Variants in STAB1 observed in about 807,000 individuals in gnomAD.
The protein encoded by STAB1 is stabilin-1.
STAB1 carries 250 observed loss-of-function variants against 332.4 expected under a neutral mutation model. The observed-to-expected ratio is 0.75, with a 90% CI of 0.68 to 0.84. STAB1 has a LOEUF of 0.84. Ranked by LOEUF, STAB1 falls within the 40% of genes least tolerant of loss-of-function variation. STAB1 has a pLI of 0.00. For synonymous variants in STAB1, 1,475 were observed against 1,390.4 expected (o/e 1.06, Z -1.35); for missense variants, 3,249 against 3,489.7 (o/e 0.93, Z 1.74).
chr3:52,521,525 C>A lies in STAB1; in HGVS notation c.6058+15C>A, dbSNP rs2079070967. 1 of 1,613,828 alleles carries A rather than the reference C, an allele frequency of 6.2e-7. No homozygotes were observed. Among genetic ancestry groups the A allele is most frequent in the Non-Finnish European group, 8.5e-7 (1 of 1,180,018 alleles). On this transcript the variant is annotated intron_variant, in intron 56 of 68. Coordinates refer to ENST00000321725, the MANE Select transcript of STAB1 (RefSeq NM_015136.3). ...CCATTGTCAAGGTGGGCCATCCCTGCCTGCCCCACGGCCCGATTCCTTTGG... is the reference window on the plus strand; with the variant it reads ...CCATTGTCAAGGTGGGCCATCCCTGACTGCCCCACGGCCCGATTCCTTTGG...
chr3:52,508,086 G>T lies in STAB1; in HGVS notation c.2148+60G>T, dbSNP rs1709014558. ...CCTGGGCACCTGCTGTTCCTCGGGG[G>T]CCCCCAAGCTGGGGCTGAGTGGGCT... On this transcript the variant is annotated intron_variant, in intron 20 of 68. Transcript: ENST00000321725. 5.1e-6 allele frequency: 8 copies of T among 1,559,598 alleles called. No individual in the cohort carries two copies. The East Asian group carries it at 1.8e-4, about 35-fold the overall frequency.
Position 52,509,810 on chromosome 3 carries a change from G to A in STAB1, c.2348-60G>A, listed in dbSNP as rs1295631334. 9.4e-6 allele frequency: 15 copies of A among 1,599,610 alleles called. 1 individual carries two copies. In the East Asian group the frequency reaches 3.4e-4, roughly 36 times the overall value. ...CCCTATATCCCCCAAACCCATCCTG[G>A]CTCCCAGCCAGCCCTGCCTCCTGCT... On this transcript the variant is annotated intron_variant, in intron 22 of 68. Coordinates refer to ENST00000321725, the MANE Select transcript of STAB1 (RefSeq NM_015136.3).
chr3:52,496,474 C>T (rs975869594), intron 1 of STAB1, among the ~76,000 whole-genome samples: 1 of 152,250 alleles, frequency 6.6e-6, no homozygotes, highest in Admixed American at 6.5e-5. Flanking sequence ...CCCCTGCCAC[C>T]ATCAGGCGCT....
At chr3:52,502,601 G>A (rs377316251) in intron 5 of STAB1, 31 bp from the exon 6 acceptor site, 100 of 1,593,560 alleles carry the variant, frequency 6.3e-5, no homozygotes, top group Non-Finnish European at 8.3e-5. Context: ...GAGAGGCTGG[G>A]GCCCCATCTG....
In STAB1 at chr3:52,517,303, A is replaced by T. The variant is rs1390485284; in HGVS notation, c.4490-17A>T. 1.2e-5 allele frequency: 18 copies of T among 1,548,826 alleles called. No individual in the cohort carries two copies. In the Admixed American group the frequency reaches 3.5e-4, roughly 30 times the overall value. Reference sequence around the variant, plus strand: ...GGCCACTAAGGGCCACCCCCATCCCAGTGTCTCTTCCCCCAGAAATTAACA... The same window carrying T: ...GGCCACTAAGGGCCACCCCCATCCCTGTGTCTCTTCCCCCAGAAATTAACA... On this transcript the variant is annotated splice_polypyrimidine_tract_variant and intron_variant, in intron 42 of 68. Coordinates refer to ENST00000321725, the MANE Select transcript of STAB1 (RefSeq NM_015136.3).
In STAB1 at chr3:52,518,578, G is replaced by T. The variant is rs746734339; in HGVS notation, c.4852G>T (p.Val1618Leu). Residue 1618 changes from valine to leucine, a missense_variant, in exon 47 of 69, where the codon GTG becomes TTG. Transcript: ENST00000321725. ...LKGDGPFTIF[V>L]PHADLMSNLS... is the part of the protein sequence containing the mutation. ...GGGCGATGGGCCTTTCACCATCTTC[G>T]TGCCGCACGCAGATCTAATGAGCAA... is the stretch of plus-strand genomic sequence containing the variant. 1 of 1,601,268 alleles carries T rather than the reference G, an allele frequency of 6.2e-7. No homozygotes were observed.
intron 18 of STAB1, among the ~76,000 whole-genome samples, chr3:52,507,270 T>TCTGACCTCAGGTGATCCG (rs1453583282): frequency 1.3e-5 from 2 of 152,150 alleles, no homozygotes; most frequent in African/African-American, 4.8e-5. Context: ...GTTTCAAACC[T>TCTGACCTCAGGTGATCCG]CTGACCTCAG....
intron 1 of STAB1, among the ~76,000 whole-genome samples, chr3:52,500,667 AGCATCAGCTCT>A (rs1180915269): frequency 1.3e-5 from 2 of 152,254 alleles, no homozygotes; most frequent in Non-Finnish European, 2.9e-5. Flanking sequence ...CTCCCAAGAC[AGCATCAGCTCT>A]GTCATTTATT....
In STAB1 at chr3:52,513,216, G is replaced by A. The variant is rs1418015109; in HGVS notation, c.3245G>A (p.Arg1082His). The change falls in exon 30 of 69, where the codon CGC (arginine) becomes CAC (histidine). Residue 1082 changes from arginine to histidine, a missense_variant. Arg to His is a conservative substitution (Grantham distance 29, BLOSUM62 0). Coordinates refer to ENST00000321725, the MANE Select transcript of STAB1 (RefSeq NM_015136.3). ...GTGGCCACCCTGAACCCCACCACAC[G>A]CTGGGAGATTCGCAACATTAGTGGG... Reference protein sequence around the residue: ...QEVATLNPTTRWEIRNISGRV... With the variant: ...QEVATLNPTTHWEIRNISGRV... The A allele has an allele frequency of 3.8e-6, 6 of 1,583,480 alleles. No individual in the cohort carries two copies. In the East Asian group the frequency reaches 6.8e-5, roughly 18 times the overall value.
At position 52,522,561 on chromosome 3, in the gene STAB1, G is replaced by A. The variant is rs148752341; in HGVS notation, c.6617G>A (p.Arg2206Gln). Reference protein sequence around the residue: ...MCTDLHFQEKRAGVFHLQATS... With the variant: ...MCTDLHFQEKQAGVFHLQATS... ...GCACCCCTCCATTCTGCAGAGAAACGGGCTGGCGTTTTCCACCTCCAGGCC... is the reference window on the plus strand; with the variant it reads ...GCACCCCTCCATTCTGCAGAGAAACAGGCTGGCGTTTTCCACCTCCAGGCC... Residue 2206 changes from arginine to glutamine, a missense_variant, in exon 61 of 69, where the codon CGG becomes CAG. Coordinates refer to ENST00000321725, the MANE Select transcript of STAB1 (RefSeq NM_015136.3). 8.1e-6 allele frequency: 13 copies of A among 1,612,954 alleles called. No individual in the cohort carries two copies. Among genetic ancestry groups the A allele is most frequent in the African/African-American group, 5.3e-5 (4 of 74,912 alleles).
In STAB1 at chr3:52,509,229, G is replaced by A. The variant is rs1351339940; in HGVS notation, c.2255G>A (p.Gly752Asp). The change falls in exon 22 of 69, where the codon GGC becomes GAC. Residue 752 changes from glycine to aspartate, a missense_variant. By Grantham distance (94) the Gly-to-Asp change is moderately conservative. Coordinates refer to ENST00000321725, the MANE Select transcript of STAB1 (RefSeq NM_015136.3). ...CTCTAGTGCAGTGATGGGATCCAGGGCAATGGGGCCTGCCTCTGCTTCCCA... is the reference window on the plus strand; with the variant it reads ...CTCTAGTGCAGTGATGGGATCCAGGACAATGGGGCCTGCCTCTGCTTCCCA... ...GKGNCSDGIQ[G>D]NGACLCFPDY... 2 of 1,613,490 alleles carry A rather than the reference G, an allele frequency of 1.2e-6. No homozygotes were observed. Among genetic ancestry groups the A allele is most frequent in the South Asian group, 1.1e-5 (1 of 91,078 alleles).
rs1480642538 is a variant in STAB1, at chr3:52,521,390, A to G, written c.5938A>G (p.Ser1980Gly). ...ACPGGPSSPC[S>G]DRGVCMDGMS... ...CCCTGGCGGCCCCAGCAGCCCTTGT[A>G]GTGACCGTGGCGTGTGCATGGACGG... The change falls in exon 56 of 69, where the codon AGT (serine) becomes GGT (glycine). Residue 1980 changes from serine (S) to glycine (G), a missense_variant. Coordinates refer to ENST00000321725, the MANE Select transcript of STAB1 (RefSeq NM_015136.3). 3.1e-6 allele frequency: 5 copies of G among 1,613,818 alleles called. No homozygotes were observed. Among genetic ancestry groups the G allele is most frequent in the Non-Finnish European group, 4.2e-6 (5 of 1,180,000 alleles).
rs1398388140 is a variant in STAB1, at chr3:52,518,021, A to G, written c.4761+18A>G. 1.9e-6 allele frequency: 3 copies of G among 1,596,928 alleles called. No individual in the cohort carries two copies. The highest frequency in any genetic ancestry group is 2.6e-6 in the Non-Finnish European group (3 of 1,174,062). ...TCGGCCTGGTAATGATGCCCAAGTC[A>G]GACCCCTGATCTGGTCTTGGCTGTG... On this transcript the variant is annotated intron_variant, in intron 45 of 68. Coordinates refer to ENST00000321725, the MANE Select transcript of STAB1 (RefSeq NM_015136.3).
intron 24 of STAB1, 40 bp downstream of exon 24, chr3:52,510,275 G>C: frequency 6.2e-7 from 1 of 1,614,004 alleles, no homozygotes. Context: ...CTGACCCAGA[G>C]GCAGGAGGTG....
chr3:52,508,078 C>A, intron 20 of STAB1, 52 bp downstream of exon 20: 2 of 1,571,652 alleles, frequency 1.3e-6, no homozygotes, highest in Non-Finnish European at 8.7e-7. Context: ...ACCTGCTGTT[C>A]CTCGGGGGCC....
intron 39 of STAB1, 38 bp from the exon 40 acceptor site, chr3:52,516,504 T>G (rs2078869788): frequency 2.5e-6 from 4 of 1,613,340 alleles, no homozygotes. Flanking sequence ...AGGCTGTTCC[T>G]GGGTCTGAAT....
chr3:52,521,356 C>A lies in STAB1; in HGVS notation c.5909-5C>A. On this transcript the variant is annotated splice_polypyrimidine_tract_variant and splice_region_variant and intron_variant, in intron 55 of 68. Coordinates refer to ENST00000321725, the MANE Select transcript of STAB1 (RefSeq NM_015136.3). ...CCCACCTCACTTCTCCTACCCCATC[C>A]CCAGCTTGCCCTGGCGGCCCCAGCA... 1.2e-6 allele frequency: 2 copies of A among 1,613,806 alleles called. No homozygotes were observed. The highest frequency in any genetic ancestry group is 1.7e-6 in the Non-Finnish European group (2 of 1,179,994).
Position 52,515,487 on chromosome 3 carries a change from CAT to C in STAB1, c.3930_3931del (p.Ala1312GlnfsTer18). On this transcript the variant is annotated frameshift_variant, in exon 37 of 69. Coordinates refer to ENST00000321725, the MANE Select transcript of STAB1 (RefSeq NM_015136.3). LOFTEE classifies it high-confidence loss of function. ...TCCTTCTCCCGGGGCTGCTCTTACA[CAT>C]GTGCCAAGAAGATCCAGGTTTGCCC... 6.2e-7 allele frequency: 1 copy of C among 1,613,496 alleles called. No individual in the cohort carries two copies. Among genetic ancestry groups the C allele is most frequent in the Non-Finnish European group, 8.5e-7 (1 of 1,180,028 alleles).
chr3:52,508,287 C>T lies in STAB1; in HGVS notation c.2163C>T (p.Cys721=). 6.2e-7 allele frequency: 1 copy of T among 1,613,326 alleles called. No individual in the cohort carries two copies. The highest frequency in any genetic ancestry group is 8.5e-7 in the Non-Finnish European group (1 of 1,179,434). Residue 721 remains cysteine (C), a synonymous_variant, in exon 21 of 69, where the codon TGC becomes TGT. Transcript: ENST00000321725. ...GTCTCTTATAGGAACAAGGCTGCTG[C>T]AAAGGTTTTTTCGGGCCTGACTGCA... ...CNQTIMEQGC[C]KGFFGPDCTQ...
Sources: allele counts gnomAD v4.1 joint callset (sites outside exome capture counted in the v4.1 genomes callset), GRCh38; gene constraint gnomAD v4.1.1; transcripts MANE v1.5; gene names NCBI Gene and HGNC (gene_info 2026-07-23, HGNC 2026-07-21).